The following NUP205 variants were observed in gnomAD, a reference collection of about 807,000 sequenced individuals.
The protein encoded by NUP205 is nucleoporin 205, also known as nuclear pore complex protein Nup205.
NUP205 carries 76 observed loss-of-function variants against 253.8 expected under a neutral mutation model. The observed-to-expected ratio is 0.30, with a 90% CI of 0.25 to 0.36. The LOEUF is 0.36. Among genes scored for constraint, NUP205 ranks in the 10% least tolerant of loss-of-function variants. The probability of loss-of-function intolerance (pLI) is 1.00; values close to 1 mark genes in which losing one functional copy is unlikely to be tolerated. For missense variants in NUP205, 2,162 were observed against 2,425.5 expected, an observed-to-expected ratio of 0.89 and a Z score of 2.28; for synonymous variants, 832 against 850.1, an observed-to-expected ratio of 0.98 and a Z score of 0.37.
chr7:135,577,125 A>G lies in NUP205; in HGVS notation c.645A>G (p.Lys215=). The change falls in exon 5 of 43, where the codon AAA becomes AAG. Residue 215 remains lysine (K), a synonymous_variant. Transcript: ENST00000285968. ...GTTTGGGCAGTGAAAAACATCGCAAAGAGGCAAGGGTTCAATGAAATCAAT... is the reference window on the plus strand; with the variant it reads ...GTTTGGGCAGTGAAAAACATCGCAAGGAGGCAAGGGTTCAATGAAATCAAT... The part of the protein sequence containing the change: ...ERGLGSEKHR[K]EVSDLIKECR... The G allele has an allele frequency of 6.2e-7, 1 of 1,610,698 alleles. No individual in the cohort carries two copies. Among genetic ancestry groups the G allele is most frequent in the Non-Finnish European group, 8.5e-7 (1 of 1,178,908 alleles).
intron 31 of NUP205, among the ~76,000 whole-genome samples, chr7:135,624,475 C>T (rs1484521104): frequency 6.6e-6 from 1 of 152,150 alleles, no homozygotes; most frequent in Non-Finnish European, 1.5e-5. Flanking sequence ...CTCCCAGGTT[C>T]AAGTGATTCT....
In NUP205 at chr7:135,628,014, C is replaced by T. The variant is rs1446286232; in HGVS notation, c.4835C>T (p.Pro1612Leu). 1 of 1,611,970 alleles carries T rather than the reference C, an allele frequency of 6.2e-7. No homozygotes were observed. The highest frequency in any genetic ancestry group is 8.5e-7 in the Non-Finnish European group (1 of 1,179,620). ...MRDPPMFIPT[P>L]VDRYRQILLP... ...GACCCTCCAATGTTCATCCCTACCCCAGTGGATCGCTACCGCCAGATTCTC... is the reference window on the plus strand; with the variant it reads ...GACCCTCCAATGTTCATCCCTACCCTAGTGGATCGCTACCGCCAGATTCTC... Residue 1612 changes from proline to leucine, a missense_variant, in exon 34 of 43, where the codon CCA becomes CTA. Physicochemically the swap from Pro to Leu is moderately conservative, Grantham distance 98. This residue lies in a region of NUP205 where 1,144 missense variants were observed against 1,280.9 expected (regional missense o/e 0.89). Transcript: ENST00000285968.
chr7:135,648,375 T>TA, intron 42 of NUP205, 29 bp from the exon 43 acceptor site: 1 of 1,510,554 alleles, frequency 6.6e-7, no homozygotes, highest in Non-Finnish European at 8.8e-7. Flanking sequence ...ACAACAATTT[T>TA]AACAAAATGT....
chr7:135,626,469 G>T, intron 33 of NUP205, 108 bp downstream of exon 33: 1 of 1,271,406 alleles, frequency 7.9e-7, no homozygotes, highest in East Asian at 2.5e-5. Flanking sequence ...TTTCATCTTG[G>T]TGTGGGTTTT....
At chr7:135,569,315 C>T (rs770918030) in intron 1 of NUP205, among the ~76,000 whole-genome samples, 3 of 152,152 alleles carry the variant, frequency 2.0e-5, no homozygotes, top group Non-Finnish European at 4.4e-5. Flanking sequence ...TCAGGTGATC[C>T]GCCCGCCTTG....
chr7:135,568,436 G>A (rs767862915), intron 1 of NUP205, among the ~76,000 whole-genome samples: 3 of 151,678 alleles, frequency 2.0e-5, no homozygotes, highest in Non-Finnish European at 4.4e-5. Context: ...AGGTTCAAGC[G>A]ATTCTGGTTC....
At chr7:135,635,511 CCT>C (rs1292708939) in intron 35 of NUP205, 68 bp from the exon 36 acceptor site, 4 of 861,872 alleles carry the variant, frequency 4.6e-6, no homozygotes, top group Non-Finnish European at 7.3e-6. Context: ...AATATTAGAA[CCT>C]CTCTTCCTAG....
chr7:135,571,174 C>A lies in NUP205; in HGVS notation c.98C>A (p.Pro33His), dbSNP rs1486413395. The part of the protein sequence containing the change: ...KVGNALWRRQ[P>H]EAVHLLDKIL... ...GGAAATGCTCTTTGGAGAAGACAAC[C>A]TGAAGCTGTTCACCTTCTTGATAAG... The change falls in exon 2 of 43, where the codon CCT becomes CAT. Residue 33 changes from proline to histidine, a missense_variant. Pro to His is a moderately conservative substitution (Grantham distance 77). Around this residue, in one of 5 missense-constraint regions of NUP205, gnomAD observed 109 missense variants for 131.8 expected, o/e 0.83. Coordinates refer to ENST00000285968, the MANE Select transcript of NUP205 (RefSeq NM_015135.3). The A allele has an allele frequency of 6.6e-7, 1 of 1,523,382 alleles. No homozygotes were observed. The highest frequency in any genetic ancestry group is 8.8e-7 in the Non-Finnish European group (1 of 1,133,464). 94.4% of individuals were successfully genotyped at this position (1,523,382 alleles called of 1,614,324 possible).
At position 135,640,613 on chromosome 7, in the gene NUP205, G is replaced by A. The variant is rs117559777; in HGVS notation, c.5392+1930G>A. The stretch of plus-strand genomic sequence containing the variant: ...GTTTGTATTATGTCTAGGCTTTTTC[G>A]TTTTATGCCATGGATGGGGGAGAAG... On this transcript the variant is annotated intron_variant, in intron 38 of 42. Coordinates refer to ENST00000285968, the MANE Select transcript of NUP205 (RefSeq NM_015135.3). Among the ~76,000 whole-genome samples, 260 of 152,072 alleles carry A rather than the reference G, an allele frequency of 1.7e-3. 1 individual carries two copies. The highest frequency in any genetic ancestry group is 3.4e-3 in the Non-Finnish European group (231 of 67,958).
intron 35 of NUP205, among the ~76,000 whole-genome samples, chr7:135,633,200 G>A (rs1381825713): frequency 1.3e-5 from 2 of 152,080 alleles, no homozygotes; most frequent in African/African-American, 2.4e-5. Context: ...CTGGCCTCAA[G>A]CATTCCTCCC....
At chr7:135,604,165 G>A (rs1034773835) in intron 18 of NUP205, among the ~76,000 whole-genome samples, 175 bp from the exon 19 acceptor site, 2 of 152,144 alleles carry the variant, frequency 1.3e-5, no homozygotes, top group African/African-American at 4.8e-5. Context: ...TTGGGGGCAG[G>A]GATATGATTC....
chr7:135,615,624 G>A (rs983428491), intron 23 of NUP205, among the ~76,000 whole-genome samples: 1 of 152,074 alleles, frequency 6.6e-6, no homozygotes, highest in Non-Finnish European at 1.5e-5. Flanking sequence ...GTCAAAATAC[G>A]ATAGATTCAG....
intron 31 of NUP205, 139 bp downstream of exon 31, chr7:135,623,064 G>A: frequency 1.3e-6 from 1 of 768,628 alleles, no homozygotes; most frequent in Non-Finnish European, 2.0e-6. Context: ...GATTTCTTGA[G>A]TATAGGAGTT....
chr7:135,570,856 A>T (rs7793485), intron 1 of NUP205, among the ~76,000 whole-genome samples: 1 of 82,842 alleles, frequency 1.2e-5, no homozygotes, highest in Admixed American at 1.6e-4. Flanking sequence ...TACATATATT[A>T]TATATAAATA....
intron 11 of NUP205, among the ~76,000 whole-genome samples, chr7:135,592,056 A>G (rs1476274310): frequency 1.3e-5 from 2 of 152,232 alleles, no homozygotes; most frequent in South Asian, 2.1e-4. Flanking sequence ...GAAATTAAGC[A>G]TCTGCTTTGT....
At chr7:135,570,046 TATATATAGAGAGAG>T (rs1436161008) in intron 1 of NUP205, among the ~76,000 whole-genome samples, 63 of 102,380 alleles carry the variant, frequency 6.2e-4, no homozygotes, top group South Asian at 1.4e-3. Flanking sequence ...TATATATATA[TATATATAGAGAGAG>T]AGAGAGAGAG....
intron 34 of NUP205, 38 bp downstream of exon 34, chr7:135,628,149 A>G: frequency 6.3e-7 from 1 of 1,579,338 alleles, no homozygotes. Context: ...GTCTAGAGCA[A>G]AATCCTCATT....
chr7:135,618,800 T>C (rs1239464146), intron 28 of NUP205, among the ~76,000 whole-genome samples, 197 bp downstream of exon 28: 2 of 152,212 alleles, frequency 1.3e-5, no homozygotes, highest in African/African-American at 4.8e-5. Flanking sequence ...GTCTGAGTTA[T>C]CTCGGGAGCT....
intron 1 of NUP205, among the ~76,000 whole-genome samples, chr7:135,570,046 TATATATAGAGAGAGAGAG>T (rs1563109383): frequency 2.9e-5 from 3 of 102,386 alleles, no homozygotes; most frequent in Admixed American, 1.0e-4. Context: ...TATATATATA[TATATATAGAGAGAGAGAG>T]AGAGAGAGAG....
Sources: allele counts gnomAD v4.1 joint callset (sites outside exome capture counted in the v4.1 genomes callset), GRCh38; gene constraint gnomAD v4.1.1; regional missense constraint gnomAD v4.1.1; transcripts MANE v1.5; gene names NCBI Gene and HGNC (gene_info 2026-07-23, HGNC 2026-07-21).